The following ZDHHC23 variants were observed in gnomAD, a reference collection of about 807,000 sequenced individuals.
The protein encoded by ZDHHC23 is palmitoyltransferase ZDHHC23.
ZDHHC23 carries 41 observed loss-of-function variants against 40.2 expected under a neutral mutation model. The observed-to-expected ratio is 1.02, with a 90% CI of 0.79 to 1.32. ZDHHC23 has a LOEUF of 1.32. Among genes scored for constraint, ZDHHC23 ranks in the 40% most tolerant of loss-of-function variants. The pLI, the probability that ZDHHC23 is intolerant of heterozygous loss-of-function variation, is 0.00. For synonymous variants in ZDHHC23, 204 were observed against 210.2 expected (o/e 0.97, Z 0.26); for missense variants, 471 against 541.5 (o/e 0.87, Z 1.29).
rs114478200 is a variant in ZDHHC23, at chr3:113,957,836, G to C, written c.1041-527G>C. On this transcript the variant is annotated intron_variant, in intron 4 of 4. Transcript: ENST00000638807. ...AGGAGGGTGAATTTGGAATGTCTCGGTGTTCCTACATCCAGGTAAGCACAG... is the reference window on the plus strand; with the variant it reads ...AGGAGGGTGAATTTGGAATGTCTCGCTGTTCCTACATCCAGGTAAGCACAG... 1,762 of 518,666 alleles carry C rather than the reference G, an allele frequency of 3.4e-3. 23 individuals carry two copies. Among genetic ancestry groups the C allele is most frequent in the African/African-American group, 0.029 (1,494 of 52,050 alleles). The allele number at this position is 518,666 out of a possible 1,614,324, so 32.1% of individuals were successfully genotyped here. A position where few individuals can be genotyped will look rare whatever the true frequency, so the allele number is the denominator to read the frequency against.
intron 2 of ZDHHC23, among the ~76,000 whole-genome samples, chr3:113,950,496 A>T (rs1304581765): frequency 6.6e-6 from 1 of 152,146 alleles, no homozygotes; most frequent in Non-Finnish European, 1.5e-5. Flanking sequence ...CACAAGTCTC[A>T]TTCATGAGGG....
upstream of ZDHHC23, chr3:113,947,974 G>A (rs1207987233): frequency 6.8e-6 from 1 of 147,672 alleles, no homozygotes; most frequent in East Asian, 2.0e-4. Flanking sequence ...ACGGCGCGGG[G>A]AGGCGGGCGC....
At chr3:113,970,298 C>T (rs1940667204), downstream of ZDHHC23, among the ~76,000 whole-genome samples, 1 of 152,052 alleles carries the variant, frequency 6.6e-6, no homozygotes, top group Admixed American at 6.6e-5. Context: ...CATCCGTAAA[C>T]AAGGCTAATT....
chr3:113,960,650 C>T lies in ZDHHC23; in HGVS notation c.*2020C>T, dbSNP rs1335576317. On this transcript the variant is annotated 3_prime_UTR_variant, in exon 5 of 5. Transcript: ENST00000638807. ...TGTGATGTGATGAAGATAAGTAGTA[C>T]AAAGAGACCAAAATAATTTGGGAGA... 13 of 1,604,482 alleles carry T rather than the reference C, an allele frequency of 8.1e-6. No homozygotes were observed. In the African/African-American group the frequency reaches 1.3e-4, roughly 17 times the overall value.
the ZDHHC23 span, chr3:113,978,371 T>C: frequency 1.2e-6 from 2 of 1,601,300 alleles, no homozygotes; most frequent in Non-Finnish European, 1.7e-6. Context: ...ACAAAAAATA[T>C]CAGTTGACAA....
rs1938976093 is a variant in ZDHHC23 at position 113,954,395 on chromosome 3, A to G, written c.857A>G (p.Asp286Gly). Reference sequence around the variant, plus strand: ...TGTGGCATCTGTGTGAGGAGAATGGATCATCATTGTGTCTGGTATGTTGGA... The same window carrying G: ...TGTGGCATCTGTGTGAGGAGAATGGGTCATCATTGTGTCTGGTATGTTGGA... The part of the protein sequence containing the change: ...RICGICVRRM[D>G]HHCVWINSCV... The change falls in exon 3 of 5, where the codon GAT becomes GGT. Residue 286 changes from aspartate (D) to glycine (G), a missense_variant. Coordinates refer to ENST00000638807, the MANE Select transcript of ZDHHC23 (RefSeq NM_001320466.2). 6.3e-7 allele frequency: 1 copy of G among 1,595,358 alleles called. No individual in the cohort carries two copies. Among genetic ancestry groups the G allele is most frequent in the Admixed American group, 1.8e-5 (1 of 56,042 alleles).
At chr3:113,956,962 G>A (rs1559848284) in intron 4 of ZDHHC23, among the ~76,000 whole-genome samples, 1 of 152,124 alleles carries the variant, frequency 6.6e-6, no homozygotes. Context: ...AGATGTGCTC[G>A]ACATCTCTAT....
At chr3:113,974,669 ATTAT>A in the ZDHHC23 span, among the ~76,000 whole-genome samples, 1 of 151,950 alleles carries the variant, frequency 6.6e-6, no homozygotes, top group South Asian at 2.1e-4. Context: ...GCACTGAAGG[ATTAT>A]TTATTTATTT....
Position 113,960,391 on chromosome 3 carries a change from A to C in ZDHHC23, c.*1761A>C. 4 of 1,208,894 alleles carry C rather than the reference A, an allele frequency of 3.3e-6. No individual in the cohort carries two copies. Among genetic ancestry groups the C allele is most frequent in the Non-Finnish European group, 4.1e-6 (4 of 970,570 alleles). 74.9% of individuals were successfully genotyped at this position (1,208,894 alleles called of 1,614,324 possible). A position where few individuals can be genotyped will look rare whatever the true frequency, so the allele number is the denominator to read the frequency against. The stretch of plus-strand genomic sequence containing the variant: ...CTCCCTGGCCCAGAGCTGAATATTC[A>C]TCTAGAATTAAAGTTGGATTTGATA... On this transcript the variant is annotated 3_prime_UTR_variant, in exon 5 of 5. Transcript: ENST00000638807.
At chr3:113,976,978 G>GAATT in the ZDHHC23 span, among the ~76,000 whole-genome samples, 1 of 152,128 alleles carries the variant, frequency 6.6e-6, no homozygotes, top group Non-Finnish European at 1.5e-5. Context: ...CAGTATCTGT[G>GAATT]AATTAAACAA....
At chr3:113,978,827 G>A in the ZDHHC23 span, 1 of 1,596,698 alleles carries the variant, frequency 6.3e-7, no homozygotes, top group Non-Finnish European at 8.6e-7. Flanking sequence ...GCAATGAGAT[G>A]TATTTAAGGT....
intron 4 of ZDHHC23, 62 bp from the exon 5 acceptor site, chr3:113,958,298 GAAT>G: frequency 6.9e-7 from 1 of 1,439,822 alleles, no homozygotes; most frequent in Non-Finnish European, 9.6e-7. Context: ...TAAAACGTGA[GAAT>G]GATGACAGTT....
intron 3 of ZDHHC23, among the ~76,000 whole-genome samples, chr3:113,954,806 C>A (rs1426294414): frequency 1.3e-5 from 2 of 152,020 alleles, no homozygotes; most frequent in Non-Finnish European, 2.9e-5. Context: ...GAAAGTGTAC[C>A]CCTATTTTTA....
downstream of ZDHHC23, chr3:113,965,420 G>T: frequency 1.1e-6 from 1 of 916,858 alleles, no homozygotes; most frequent in Non-Finnish European, 1.7e-6. Flanking sequence ...TCCATCTATA[G>T]CACATTAAGA....
At chr3:113,951,145 T>C (rs1938617876) in intron 2 of ZDHHC23, among the ~76,000 whole-genome samples, 1 of 152,148 alleles carries the variant, frequency 6.6e-6, no homozygotes, top group African/African-American at 2.4e-5. Flanking sequence ...AGTTGTATGC[T>C]TGTGGCTCTA....
At chr3:113,948,658 C>A in intron 1 of ZDHHC23, 28 bp from the exon 2 acceptor site, 1 of 943,660 alleles carries the variant, frequency 1.1e-6, no homozygotes. Flanking sequence ...CCCCCTCCCC[C>A]TCTCTCTTCT....
chr3:113,978,067 G>T, the ZDHHC23 span: 2 of 1,092,272 alleles, frequency 1.8e-6, no homozygotes, highest in Admixed American at 2.0e-5. Flanking sequence ...ACCCCTGACT[G>T]GTGTTTCCCC....
In ZDHHC23 at chr3:113,959,065, G is replaced by C. The variant is rs1364779094; in HGVS notation, c.*435G>C. 1.4e-5 allele frequency: 13 copies of C among 961,194 alleles called. No homozygotes were observed. In the East Asian group the frequency reaches 8.3e-4, roughly 61 times the overall value. 59.5% of individuals were successfully genotyped at this position (961,194 alleles called of 1,614,324 possible). A position where few individuals can be genotyped will look rare whatever the true frequency, so the allele number is the denominator to read the frequency against. On this transcript the variant is annotated 3_prime_UTR_variant, in exon 5 of 5. Coordinates refer to ENST00000638807, the MANE Select transcript of ZDHHC23 (RefSeq NM_001320466.2). ...TCTGCAAAGTGGGGTACTGATGCCT[G>C]CCCTGGCTACCTCACAGAGCCGTCA...
chr3:113,964,595 G>C (rs1340224304), downstream of ZDHHC23: 1 of 152,230 alleles, frequency 6.6e-6, no homozygotes, highest in African/African-American at 2.4e-5. Context: ...TGGTGCCTCA[G>C]TTTCTCTGAA....
Sources: gnomAD v4.1 joint callset for allele counts (sites outside exome capture counted in the v4.1 genomes callset) on GRCh38, gnomAD v4.1.1 for gene constraint, MANE v1.5 for transcripts, NCBI Gene and HGNC (gene_info 2026-07-23, HGNC 2026-07-21) for gene names.